Variants in MSL2 observed in about 807,000 individuals in gnomAD.
The protein encoded by MSL2 is MSL complex subunit 2, also known as E3 ubiquitin-protein ligase MSL2.
A neutral mutation model predicts 35.8 loss-of-function variants in MSL2; 2 were observed. That is an observed-to-expected ratio of 0.06 (90% CI 0.02 to 0.18). The LOEUF (loss-of-function observed/expected upper bound fraction) is 0.18, where lower values mean the gene tolerates loss of function less well. Ranked by LOEUF, MSL2 falls within the 10% of genes least tolerant of loss-of-function variation. The pLI is 1.00. For missense variants in MSL2, 523 were observed against 706.7 expected (o/e 0.74, Z 2.95); for synonymous variants, 296 against 255.7 (o/e 1.16, Z -1.50).
At chr3:136,187,973 A>G (rs557307241) in intron 1 of MSL2, among the ~76,000 whole-genome samples, 1 of 152,158 alleles carries the variant, frequency 6.6e-6, no homozygotes, top group Non-Finnish European at 1.5e-5. Context: ...ACGGGTCTAC[A>G]GGGTGAATGT....
rs1218810750 is a variant in MSL2 at position 136,195,704 on chromosome 3, G to A, written c.-591C>T. 4.1e-6 allele frequency: 4 copies of A among 985,206 alleles called. No homozygotes were observed. The highest frequency in any genetic ancestry group is 3.6e-6 in the Non-Finnish European group (3 of 829,840). The allele number at this position is 985,206 out of a possible 1,614,324, so 61.0% of individuals were successfully genotyped here. ...AAGGTTGATGTTGCGGCTGGCGGAC[G>A]CCGCCGCCGCGCTCTCCATATCGGA... is the stretch of plus-strand genomic sequence containing the variant. On this transcript the variant is annotated 5_prime_UTR_variant, in exon 1 of 2. Coordinates refer to ENST00000309993, the MANE Select transcript of MSL2 (RefSeq NM_018133.4).
intron 1 of MSL2, among the ~76,000 whole-genome samples, chr3:136,155,227 G>C (rs904299770): frequency 6.6e-6 from 1 of 151,526 alleles, no homozygotes; most frequent in African/African-American, 2.4e-5. Flanking sequence ...AAAAGACGCT[G>C]GATGCGGTGG....
chr3:136,158,916 A>G (rs773371545), intron 1 of MSL2, among the ~76,000 whole-genome samples: 14 of 152,368 alleles, frequency 9.2e-5, no homozygotes, highest in African/African-American at 2.2e-4. Context: ...AGACTTCTAC[A>G]CTCAGCACTA....
At chr3:136,176,471 T>C (rs1158118713) in intron 1 of MSL2, among the ~76,000 whole-genome samples, 1 of 144,268 alleles carries the variant, frequency 6.9e-6, no homozygotes, top group Non-Finnish European at 1.5e-5. Context: ...GCCAAGATCG[T>C]GTCACTGCAC....
chr3:136,195,853 C>G lies in MSL2; in HGVS notation c.-740G>C. 1.0e-6 allele frequency: 1 copy of G among 982,254 alleles called. No individual in the cohort carries two copies. Among genetic ancestry groups the G allele is most frequent in the Non-Finnish European group, 1.2e-6 (1 of 827,720 alleles). 60.8% of individuals were successfully genotyped at this position (982,254 alleles called of 1,614,324 possible). ...AAGGCCGGGGAGGAAGTGCGCGGGC[C>G]GCCGCCGGCGGGCGGGAGGGGGCGG... On this transcript the variant is annotated 5_prime_UTR_variant, in exon 1 of 2. Transcript: ENST00000309993.
Position 136,195,145 on chromosome 3 carries a change from T to C in MSL2, c.-32A>G. 2 of 1,568,432 alleles carry C rather than the reference T, an allele frequency of 1.3e-6. No homozygotes were observed. The highest frequency in any genetic ancestry group is 1.7e-6 in the Non-Finnish European group (2 of 1,159,358). On this transcript the variant is annotated 5_prime_UTR_variant, in exon 1 of 2. Transcript: ENST00000309993. ...CACTTCGACACCAATGGCTCCCGGTTGAAAAGAAATTCCGGATCCAACTTA... is the reference window on the plus strand; with the variant it reads ...CACTTCGACACCAATGGCTCCCGGTCGAAAAGAAATTCCGGATCCAACTTA...
At position 136,151,085 on chromosome 3, in the gene MSL2, C is replaced by A. The variant is rs1256674401; in HGVS notation, c.*62G>T. 17 of 1,547,102 alleles carry A rather than the reference C, an allele frequency of 1.1e-5. No homozygotes were observed. Among genetic ancestry groups the A allele is most frequent in the Non-Finnish European group, 1.5e-5 (17 of 1,135,472 alleles). ...CTCCGGCAAGTTAAACCAACAGAAC[C>A]ATAGCTGCCGTAAAACTGTAGCTAT... On this transcript the variant is annotated 3_prime_UTR_variant, in exon 2 of 2. Coordinates refer to ENST00000309993, the MANE Select transcript of MSL2 (RefSeq NM_018133.4). This position sits in a 1 kb window ranked among gnomAD's most constrained non-coding sequence, Gnocchi z 5.2.
At chr3:136,184,167 G>A (rs1294349975) in intron 1 of MSL2, among the ~76,000 whole-genome samples, 3 of 151,882 alleles carry the variant, frequency 2.0e-5, no homozygotes, top group East Asian at 3.9e-4. Context: ...TTGACGGTGG[G>A]CGCCTGTAGT....
At chr3:136,179,979 C>A (rs1384157086) in intron 1 of MSL2, among the ~76,000 whole-genome samples, 1 of 152,064 alleles carries the variant, frequency 6.6e-6, no homozygotes, top group East Asian at 1.9e-4. Context: ...GGCAAGAGAA[C>A]ACTTGAACCC....
intron 1 of MSL2, among the ~76,000 whole-genome samples, chr3:136,175,170 C>T (rs951876155): frequency 1.3e-5 from 2 of 152,124 alleles, no homozygotes; most frequent in East Asian, 3.9e-4. Context: ...ATGGTGAAAC[C>T]CCATCTCTAC....
At chr3:136,169,251 G>GGGGGT (rs1939947040) in intron 1 of MSL2, among the ~76,000 whole-genome samples, 1 of 28,154 alleles carries the variant, frequency 3.6e-5, no homozygotes, top group Non-Finnish European at 8.6e-5. Context: ...GGGGGGGGGG[G>GGGGGT]GTGCTTATTT....
chr3:136,184,339 G>A (rs1940451337), intron 1 of MSL2, among the ~76,000 whole-genome samples: 1 of 151,710 alleles, frequency 6.6e-6, no homozygotes, highest in Admixed American at 6.6e-5. Flanking sequence ...AGTAGCTCAT[G>A]TCTGTAATCC....
chr3:136,185,403 A>G (rs976234192), intron 1 of MSL2, among the ~76,000 whole-genome samples: 1 of 152,226 alleles, frequency 6.6e-6, no homozygotes, highest in African/African-American at 2.4e-5. Flanking sequence ...CATTCAAGTC[A>G]TCATAGAAGA....
At chr3:136,153,307 A>T (rs529059150) in intron 1 of MSL2, among the ~76,000 whole-genome samples, 2 of 152,192 alleles carry the variant, frequency 1.3e-5, no homozygotes, top group Non-Finnish European at 2.9e-5. Flanking sequence ...GAACAAAATC[A>T]TATTGATTAT....
chr3:136,189,584 C>T (rs953050025), intron 1 of MSL2, among the ~76,000 whole-genome samples: 3 of 150,922 alleles, frequency 2.0e-5, no homozygotes, highest in African/African-American at 4.9e-5. Flanking sequence ...ATTAGCCGGG[C>T]GAGGTGGCGG....
chr3:136,189,509 G>C (rs1018224747), intron 1 of MSL2, among the ~76,000 whole-genome samples: 7 of 149,260 alleles, frequency 4.7e-5, no homozygotes, highest in East Asian at 2.0e-4. Context: ...CGGATCACGA[G>C]GTCAGGAGAT....
chr3:136,193,989 T>C (rs1235750190), intron 1 of MSL2, among the ~76,000 whole-genome samples: 1 of 152,204 alleles, frequency 6.6e-6, no homozygotes, highest in African/African-American at 2.4e-5. Context: ...TGTCCCAAAT[T>C]ACTCTTCTTC....
At chr3:136,192,933 T>C (rs1438643440) in intron 1 of MSL2, among the ~76,000 whole-genome samples, 3 of 152,196 alleles carry the variant, frequency 2.0e-5, no homozygotes, top group East Asian at 1.9e-4. Flanking sequence ...TTTATAATCA[T>C]AGACTTACGT....
chr3:136,172,669 A>G (rs1051824007), intron 1 of MSL2, among the ~76,000 whole-genome samples: 1 of 152,028 alleles, frequency 6.6e-6, no homozygotes, highest in Non-Finnish European at 1.5e-5. Context: ...CCTTAATAGG[A>G]TCTACTCTCC....
Sources: allele counts gnomAD v4.1 joint callset (sites outside exome capture counted in the v4.1 genomes callset), GRCh38; gene constraint gnomAD v4.1.1; non-coding constraint Gnocchi (gnomAD v3.1); transcripts MANE v1.5; gene names NCBI Gene and HGNC (gene_info 2026-07-23, HGNC 2026-07-21).